Variants in CYP4F3 observed in about 807,000 individuals in gnomAD.
CYP4F3 encodes the protein cytochrome P450 family 4 subfamily F member 3.
CYP4F3 carries 50 observed loss-of-function variants against 54.8 expected under a neutral mutation model. The ratio of observed to expected loss-of-function variants is 0.91; its 90% CI spans 0.73 to 1.16. The LOEUF (loss-of-function observed/expected upper bound fraction) is 1.16. Ranked by LOEUF, CYP4F3 falls within the 50% of genes most tolerant of loss-of-function variation. The pLI, the probability that CYP4F3 is intolerant of heterozygous loss-of-function variation, is 0.00. For synonymous variants in CYP4F3, 244 were observed against 262.6 expected, an observed-to-expected ratio of 0.93 and a Z score of 0.69; for missense variants, 715 against 676.2, an observed-to-expected ratio of 1.06 and a Z score of -0.64.
chr19:15,642,137 G>C (rs1421452606), intron 2 of CYP4F3, among the ~76,000 whole-genome samples: 1 of 152,076 alleles, frequency 6.6e-6, no homozygotes, highest in Non-Finnish European at 1.5e-5. Context: ...CATAAAAGTT[G>C]GCCACTCACT....
At chr19:15,648,962 C>T (rs1465961407) in intron 5 of CYP4F3, among the ~76,000 whole-genome samples, 198 bp from the exon 6 acceptor site, 1 of 152,192 alleles carries the variant, frequency 6.6e-6, no homozygotes, top group Non-Finnish European at 1.5e-5. Context: ...ACCTAGGTCT[C>T]CTGACTCCCA....
chr19:15,650,827 T>TC lies in CYP4F3; in HGVS notation c.918+644_918+645insC, dbSNP rs1244683604. On this transcript the variant is annotated intron_variant, in intron 7 of 12. Transcript: ENST00000221307. The stretch of plus-strand genomic sequence containing the variant: ...TCTCTTCTCTTTCTTTCTTTCTTTC[T>TC]TTCTTTCTTTCTTTCTTTCTTTCTT... Among the ~76,000 whole-genome samples the TC allele has an allele frequency of 1.1e-3, 22 of 19,382 alleles. 6 individuals are homozygous for TC. The East Asian group carries it at 0.055, about 49-fold the overall frequency. 12.7% of individuals were successfully genotyped at this position (19,382 alleles called of 152,430 possible).
chr19:15,645,216 C>T (rs1972587589), intron 2 of CYP4F3, among the ~76,000 whole-genome samples: 1 of 152,188 alleles, frequency 6.6e-6, no homozygotes, highest in Non-Finnish European at 1.5e-5. Context: ...AGAAAAGGCC[C>T]ATGATTTACT....
chr19:15,650,713 TTTC>T (rs1555742466), intron 7 of CYP4F3, among the ~76,000 whole-genome samples: 1 of 41,366 alleles, frequency 2.4e-5, no homozygotes, highest in Admixed American at 2.8e-4. Flanking sequence ...TCTTTCTTTC[TTTC>T]TTTCTTTCTT....
chr19:15,641,795 C>A (rs1972472833), intron 2 of CYP4F3, among the ~76,000 whole-genome samples, 182 bp downstream of exon 2: 1 of 152,162 alleles, frequency 6.6e-6, no homozygotes, highest in South Asian at 2.1e-4. Flanking sequence ...CCCTTCTCAC[C>A]TCCCTGTTCT....
intron 7 of CYP4F3, among the ~76,000 whole-genome samples, chr19:15,652,132 A>G (rs557501215): frequency 1.2e-4 from 18 of 152,312 alleles, no homozygotes; most frequent in Admixed American, 4.6e-4. Flanking sequence ...TCTGGATGCC[A>G]TATTCCATAG....
chr19:15,654,890 T>C (rs1048307183), intron 9 of CYP4F3, among the ~76,000 whole-genome samples: 3 of 152,206 alleles, frequency 2.0e-5, no homozygotes, highest in Admixed American at 6.5e-5. Flanking sequence ...TTCTTTTCAG[T>C]AGTGGAATTT....
chr19:15,645,674 G>T (rs372147266), intron 2 of CYP4F3, 45 bp from the exon 3 acceptor site: 2 of 1,535,286 alleles, frequency 1.3e-6, no homozygotes, highest in Admixed American at 3.8e-5. Flanking sequence ...CTTCTCTCTC[G>T]CAGCCTAGGA....
intron 7 of CYP4F3, among the ~76,000 whole-genome samples, chr19:15,652,307 C>CTTTCTG (rs1972879985): frequency 6.6e-6 from 1 of 152,006 alleles, no homozygotes; most frequent in Admixed American, 6.5e-5. Flanking sequence ...AAGTTTTCAT[C>CTTTCTG]AAGCAGAAAC....
intron 9 of CYP4F3, among the ~76,000 whole-genome samples, chr19:15,654,222 T>C (rs574936217): frequency 6.6e-6 from 1 of 152,334 alleles, no homozygotes; most frequent in African/African-American, 2.4e-5. Flanking sequence ...AGAATATTTT[T>C]GCAATTTTAT....
chr19:15,641,022 A>G (rs1972447041), intron 1 of CYP4F3, 77 bp downstream of exon 1: 1 of 219,888 alleles, frequency 4.5e-6, no homozygotes, highest in Middle Eastern at 1.8e-3. Flanking sequence ...GATTGGGCGC[A>G]CACATAGGGG....
In CYP4F3 at chr19:15,650,570, T is replaced by C. The variant is rs77558575; in HGVS notation, c.918+387T>C. Among the ~76,000 whole-genome samples the C allele has an allele frequency of 1.1e-3, 169 of 152,326 alleles. 1 individual carries two copies. The East Asian group carries it at 0.023, about 21-fold the overall frequency. On this transcript the variant is annotated intron_variant, in intron 7 of 12. Transcript: ENST00000221307. ...TATGTCTATGTCTTTGTCTTTTTCA[T>C]TGGCCATATCTGTATGTCTTTGTCT...
rs776270656 is a variant in CYP4F3 at position 15,650,042 on chromosome 19, C to G, written c.777C>G (p.Ala259=). The change falls in exon 7 of 13, where the codon GCC becomes GCG. Residue 259 remains alanine (A), a synonymous_variant. Transcript: ENST00000221307. ...LTPDGQRFRR[A]CRLVHDFTDA... is the part of the protein sequence containing the mutation. ...CTGATGGGCAGCGTTTCCGCAGGGCCTGCCGCCTGGTGCACGACTTCACAG... is the reference window on the plus strand; with the variant it reads ...CTGATGGGCAGCGTTTCCGCAGGGCGTGCCGCCTGGTGCACGACTTCACAG... 3.7e-6 allele frequency: 6 copies of G among 1,614,206 alleles called. No homozygotes were observed. The highest frequency in any genetic ancestry group is 5.1e-6 in the Non-Finnish European group (6 of 1,180,032).
At chr19:15,645,613 A>G (rs1972599550) in intron 2 of CYP4F3, 106 bp from the exon 3 acceptor site, 1 of 1,436,212 alleles carries the variant, frequency 7.0e-7, no homozygotes, top group African/African-American at 1.4e-5. Flanking sequence ...GGGAGATGAG[A>G]TGCTGCTTGA....
At position 15,661,071 on chromosome 19, in the gene CYP4F3, G is replaced by A. The variant is rs1973172008; in HGVS notation, c.*1686G>A. On this transcript the variant is annotated 3_prime_UTR_variant, in exon 13 of 13. Transcript: ENST00000221307. Reference sequence around the variant, plus strand: ...ATGATCCAGCCATCTCATTCTAACAGCAATGAGAACTTAGGCTCCCCTCTC... The same window carrying A: ...ATGATCCAGCCATCTCATTCTAACAACAATGAGAACTTAGGCTCCCCTCTC... 6.6e-6 allele frequency: 1 copy of A among 151,854 alleles called. No individual in the cohort carries two copies. The highest frequency in any genetic ancestry group is 6.6e-5 in the Admixed American group (1 of 15,250). 9.4% of individuals were successfully genotyped at this position (151,854 alleles called of 1,614,324 possible). A position where few individuals can be genotyped will look rare whatever the true frequency, so the allele number is the denominator to read the frequency against.
chr19:15,656,728 T>TTATCTAGC (rs1973032959), intron 9 of CYP4F3, among the ~76,000 whole-genome samples: 1 of 143,914 alleles, frequency 6.9e-6, no homozygotes, highest in African/African-American at 2.6e-5. Flanking sequence ...TATCATCTAT[T>TTATCTAGC]TATCTATCTA....
At position 15,645,810 on chromosome 19, in the gene CYP4F3, CA is replaced by C. The variant is rs758706233; in HGVS notation, c.292del (p.Ile98SerfsTer31). 6.9e-5 allele frequency: 111 copies of C among 1,613,972 alleles called. No individual in the cohort carries two copies. The highest frequency in any genetic ancestry group is 9.4e-5 in the Non-Finnish European group (111 of 1,179,972). On this transcript the variant is annotated frameshift_variant, in exon 3 of 13. Coordinates refer to ENST00000221307, the MANE Select transcript of CYP4F3 (RefSeq NM_000896.3). LOFTEE classifies it high-confidence loss of function. The part of the protein sequence containing the change: ...MCCWWVGPWH[A>X]IVRIFHPTYI... The stretch of plus-strand genomic sequence containing the variant: ...TGCTGGTGGGTGGGGCCCTGGCACG[CA>C]ATCGTCCGCATCTTCCACCCCACCT...
At chr19:15,653,092 A>G in intron 9 of CYP4F3, 140 bp downstream of exon 9, 1 of 1,294,558 alleles carries the variant, frequency 7.7e-7, no homozygotes, top group Non-Finnish European at 1.0e-6. Context: ...CACAGGCAGG[A>G]CTTAGTACCC....
intron 9 of CYP4F3, 155 bp from the exon 10 acceptor site, chr19:15,658,109 G>A: frequency 1.0e-6 from 1 of 983,874 alleles, no homozygotes; most frequent in Non-Finnish European, 1.2e-6. Flanking sequence ...TTCTGCAACA[G>A]TGTCACACTG....
Sources: gnomAD v4.1 joint callset for allele counts (sites outside exome capture counted in the v4.1 genomes callset) on GRCh38, gnomAD v4.1.1 for gene constraint, MANE v1.5 for transcripts, NCBI Gene and HGNC (gene_info 2026-07-23, HGNC 2026-07-21) for gene names.